The following COX10 variants were observed in gnomAD, a reference collection of about 807,000 sequenced individuals.
COX10 encodes cytochrome c oxidase assembly factor heme A:farnesyltransferase COX10.
In COX10, 27 loss-of-function variants were observed where a neutral mutation model predicts 37.3. The observed-to-expected ratio is 0.72, with a 90% CI of 0.53 to 1.00. The LOEUF is 1.00. COX10 is among the 50% of genes least tolerant of loss of function. The pLI is 0.00. For missense variants in COX10, 475 were observed against 563.2 expected (o/e 0.84, Z 1.59); for synonymous variants, 222 against 229.1 (o/e 0.97, Z 0.28).
intron 5 of COX10, among the ~76,000 whole-genome samples, chr17:14,186,818 C>T (rs1906042761): frequency 6.6e-6 from 1 of 152,096 alleles, no homozygotes; most frequent in Admixed American, 6.5e-5. Flanking sequence ...AGTTGTATTA[C>T]ACCAGTGTGC....
chr17:14,176,488 C>T (rs1194906515), intron 5 of COX10, among the ~76,000 whole-genome samples: 4 of 152,208 alleles, frequency 2.6e-5, no homozygotes, highest in African/African-American at 9.6e-5. Flanking sequence ...TACTGAGAGT[C>T]TCCTTAAAGG....
At chr17:14,127,783 A>C (rs1916376296) in intron 4 of COX10, among the ~76,000 whole-genome samples, 1 of 152,194 alleles carries the variant, frequency 6.6e-6, no homozygotes, top group Non-Finnish European at 1.5e-5. Flanking sequence ...TATTAATTAC[A>C]TGCTACTGAG....
At chr17:14,069,744 C>T (rs1030999557) in intron 1 of COX10, 96 bp downstream of exon 1, 5 of 1,527,948 alleles carry the variant, frequency 3.3e-6, no homozygotes, top group Non-Finnish European at 4.5e-6. Flanking sequence ...CTTGGGGAGC[C>T]CTTGGCGAGG....
In COX10 at chr17:14,141,126, A is replaced by G. The variant is rs1023070819; in HGVS notation, c.625-18751A>G. Among the ~76,000 whole-genome samples, 5 of 152,198 alleles carry G rather than the reference A, an allele frequency of 3.3e-5. No individual in the cohort carries two copies. The East Asian group carries it at 7.7e-4, about 24-fold the overall frequency. ...GTTATAGTGTTAATTTATCTGTTTT[A>G]CATCTCACTTTTGTATCTGAAACCG... On this transcript the variant is annotated intron_variant, in intron 4 of 6. Coordinates refer to ENST00000261643, the MANE Select transcript of COX10 (RefSeq NM_001303.4).
chr17:14,087,692 T>C (rs1915440588), intron 3 of COX10, among the ~76,000 whole-genome samples: 1 of 152,182 alleles, frequency 6.6e-6, no homozygotes, highest in East Asian at 1.9e-4. Flanking sequence ...AAGGTTTTTT[T>C]TTTTTTTTTA....
chr17:14,138,209 G>A (rs981347594), intron 4 of COX10, among the ~76,000 whole-genome samples: 3 of 152,022 alleles, frequency 2.0e-5, no homozygotes, highest in Non-Finnish European at 2.9e-5. Context: ...TATATGACAT[G>A]TCAGAATCTG....
intron 5 of COX10, chr17:14,182,016 T>TTA: frequency 1.0e-6 from 1 of 982,776 alleles, no homozygotes; most frequent in Non-Finnish European, 1.2e-6. Flanking sequence ...TTTTTTTTTT[T>TTA]ACAGGCAATC....
chr17:14,160,270 C>T lies in COX10; in HGVS notation c.695+323C>T, dbSNP rs193249989. ...AAAACATTGCATTAACGCAAATGATCTTCAGACAAATCCATCTAGGGTCTC... is the reference window on the plus strand; with the variant it reads ...AAAACATTGCATTAACGCAAATGATTTTCAGACAAATCCATCTAGGGTCTC... On this transcript the variant is annotated intron_variant, in intron 5 of 6. Coordinates refer to ENST00000261643, the MANE Select transcript of COX10 (RefSeq NM_001303.4). Among the ~76,000 whole-genome samples the T allele has an allele frequency of 2.3e-3, 346 of 152,168 alleles. 1 individual carries two copies. Among genetic ancestry groups the T allele is most frequent in the Admixed American group, 3.8e-3 (58 of 15,276 alleles).
chr17:14,097,826 T>C (rs1567590350), intron 3 of COX10, among the ~76,000 whole-genome samples: 1 of 152,202 alleles, frequency 6.6e-6, no homozygotes, highest in Non-Finnish European at 1.5e-5. Context: ...TTTAGAGATA[T>C]TTAAAGTATA....
chr17:14,075,676 C>T (rs762740983), intron 2 of COX10, among the ~76,000 whole-genome samples: 7 of 152,162 alleles, frequency 4.6e-5, no homozygotes, highest in Non-Finnish European at 1.0e-4. Context: ...CACATTCTGT[C>T]TTCATCCTGC....
chr17:14,127,616 C>G (rs1220449706), intron 4 of COX10, among the ~76,000 whole-genome samples: 3 of 152,098 alleles, frequency 2.0e-5, no homozygotes, highest in Non-Finnish European at 4.4e-5. Context: ...CAATATTGCA[C>G]TAGTGATTTC....
intron 5 of COX10, among the ~76,000 whole-genome samples, chr17:14,180,915 A>G (rs1905838674): frequency 6.6e-6 from 1 of 152,166 alleles, no homozygotes; most frequent in East Asian, 1.9e-4. Flanking sequence ...TTTGGGCACC[A>G]TTCTTAAGTT....
At chr17:14,147,060 A>G (rs1904742112) in intron 4 of COX10, among the ~76,000 whole-genome samples, 1 of 152,176 alleles carries the variant, frequency 6.6e-6, no homozygotes, top group South Asian at 2.1e-4. Flanking sequence ...GTGAATTATT[A>G]GTAGACCCAA....
At chr17:14,119,485 GA>G (rs931460334) in intron 4 of COX10, among the ~76,000 whole-genome samples, 8 of 152,090 alleles carry the variant, frequency 5.3e-5, no homozygotes, top group Non-Finnish European at 1.0e-4. Context: ...CCTAGTGAGG[GA>G]TGAGAATGTA....
rs552400636 is a variant in COX10 at position 14,140,959 on chromosome 17, T to C, written c.625-18918T>C. ...ATACATTGAATTATTAAAACTATCA[T>C]TTTGAAAAATTATATTGGTACAAAC... On this transcript the variant is annotated intron_variant, in intron 4 of 6. Transcript: ENST00000261643. Among the ~76,000 whole-genome samples the C allele has an allele frequency of 9.8e-5, 15 of 152,308 alleles. No individual in the cohort carries two copies. In the South Asian group the frequency reaches 2.9e-3, roughly 29 times the overall value.
At chr17:14,126,015 T>C (rs1597510808) in intron 4 of COX10, among the ~76,000 whole-genome samples, 1 of 152,202 alleles carries the variant, frequency 6.6e-6, no homozygotes, top group South Asian at 2.1e-4. Context: ...CTCTCTGGGA[T>C]AGTAAATGCT....
intron 6 of COX10, among the ~76,000 whole-genome samples, chr17:14,204,621 T>G (rs1906639455): frequency 6.6e-6 from 1 of 152,078 alleles, no homozygotes; most frequent in African/African-American, 2.4e-5. Context: ...GATTGGTCCT[T>G]CCATACCTTC....
intron 4 of COX10, among the ~76,000 whole-genome samples, chr17:14,108,567 G>T (rs563688173): frequency 6.6e-6 from 1 of 152,190 alleles, no homozygotes; most frequent in African/African-American, 2.4e-5. Context: ...AATAATTTTT[G>T]TGAAAGCAAA....
At chr17:14,155,576 G>C (rs1905020872) in intron 4 of COX10, among the ~76,000 whole-genome samples, 1 of 151,980 alleles carries the variant, frequency 6.6e-6, no homozygotes, top group South Asian at 2.1e-4. Context: ...TTAGCCGAGT[G>C]TGGTGGTGGG....
Sources: allele counts gnomAD v4.1 joint callset (sites outside exome capture counted in the v4.1 genomes callset), GRCh38; gene constraint gnomAD v4.1.1; transcripts MANE v1.5; gene names NCBI Gene and HGNC (gene_info 2026-07-23, HGNC 2026-07-21).